KIRREL3: variants seen among roughly 807,000 people sequenced by gnomAD.
KIRREL3 encodes the protein kirre like nephrin family adhesion molecule 3.
In KIRREL3, 36 loss-of-function variants were observed where a neutral mutation model predicts 89.7. That is an observed-to-expected ratio of 0.40 (90% CI 0.31 to 0.53). The LOEUF (loss-of-function observed/expected upper bound fraction) is 0.53. Among genes scored for constraint, KIRREL3 ranks in the 20% least tolerant of loss-of-function variants. The probability of loss-of-function intolerance (pLI) is 0.49; values close to 1 mark genes in which losing one functional copy is unlikely to be tolerated. For missense variants in KIRREL3, 864 were observed against 1,056.6 expected (o/e 0.82, Z 2.53); for synonymous variants, 445 against 441.4 (o/e 1.01, Z -0.10).
At position 126,462,436 on chromosome 11, in the gene KIRREL3, G is replaced by A. The variant is rs1210979790; in HGVS notation, c.742+721C>T. ...TCCCAGCACTTTAGGAGGCCAAGGC[G>A]GGCGGAACACTTGAGGTCAGGAGTT... is the stretch of plus-strand genomic sequence containing the variant. On this transcript the variant is annotated intron_variant, in intron 6 of 16. Transcript: ENST00000525144. This position sits in a 1 kb window ranked among gnomAD's most constrained non-coding sequence, Gnocchi z 4.8. Among the ~76,000 whole-genome samples the A allele has an allele frequency of 1.3e-5, 2 of 152,134 alleles. No homozygotes were observed. Among genetic ancestry groups the A allele is most frequent in the Admixed American group, 6.5e-5 (1 of 15,274 alleles).
At chr11:126,716,720 CTGAGTG>C (rs770232462) in intron 1 of KIRREL3, among the ~76,000 whole-genome samples, 2 of 103,440 alleles carry the variant, frequency 1.9e-5, no homozygotes, top group African/African-American at 4.0e-5. Context: ...ATTTACTAGC[CTGAGTG>C]TGAGTGTGAG....
intron 8 of KIRREL3, 117 bp downstream of exon 8, chr11:126,448,892 G>A (rs1435343956): frequency 6.4e-6 from 7 of 1,094,764 alleles, no homozygotes; most frequent in East Asian, 2.6e-5. Flanking sequence ...ACCATCCTAC[G>A]CTCATGACGC....
At chr11:126,793,711 G>A (rs1950716164) in intron 1 of KIRREL3, among the ~76,000 whole-genome samples, 1 of 152,210 alleles carries the variant, frequency 6.6e-6, no homozygotes. Context: ...AATTAACTAA[G>A]GAAAATGCGT....
chr11:126,777,327 C>G (rs756343545), intron 1 of KIRREL3, among the ~76,000 whole-genome samples: 1 of 152,134 alleles, frequency 6.6e-6, no homozygotes, highest in Non-Finnish European at 1.5e-5. Context: ...GTGCAAAGCA[C>G]TGGGCCTGGC....
rs529580438 is a variant in KIRREL3, at chr11:126,843,550, C to T, written c.55+156905G>A. On this transcript the variant is annotated intron_variant, in intron 1 of 16. Coordinates refer to ENST00000525144, the MANE Select transcript of KIRREL3 (RefSeq NM_032531.4). This position sits in a 1 kb window ranked among gnomAD's most constrained non-coding sequence, Gnocchi z 4.6. ...GCAATCAAACCAAAGCATGCCTAAG[C>T]GATAACTGGAGTCCCGACGGCTAGT... Among the ~76,000 whole-genome samples the T allele has an allele frequency of 3.5e-4, 54 of 152,250 alleles. No individual in the cohort carries two copies. Among genetic ancestry groups the T allele is most frequent in the African/African-American group, 1.0e-3 (43 of 41,538 alleles).
In KIRREL3 at chr11:126,535,589, G is replaced by A. The variant is rs759356919; in HGVS notation, c.134-8902C>T. ...TGCTGGGTCGGGTGTGTGTGTGTGTGTGTGCACGTGGGTGTGTTTGTCAGA... is the reference window on the plus strand; with the variant it reads ...TGCTGGGTCGGGTGTGTGTGTGTGTATGTGCACGTGGGTGTGTTTGTCAGA... On this transcript the variant is annotated intron_variant, in intron 2 of 16. Transcript: ENST00000525144. This position sits in a 1 kb window ranked among gnomAD's most constrained non-coding sequence, Gnocchi z 4.5. 5.3e-5 allele frequency among the ~76,000 whole-genome samples: 8 copies of A among 152,072 alleles called. No individual in the cohort carries two copies. The highest frequency in any genetic ancestry group is 7.4e-5 in the Non-Finnish European group (5 of 68,002).
chr11:126,497,926 CAG>C (rs1957726632), intron 4 of KIRREL3, among the ~76,000 whole-genome samples: 1 of 152,110 alleles, frequency 6.6e-6, no homozygotes, highest in Non-Finnish European at 1.5e-5. Context: ...CTCTGATCCC[CAG>C]AGAGTTTGTG....
chr11:126,688,170 G>C (rs1482897553), intron 1 of KIRREL3, among the ~76,000 whole-genome samples: 1 of 152,220 alleles, frequency 6.6e-6, no homozygotes, highest in East Asian at 1.9e-4. Context: ...ACCAAGAGCA[G>C]CCTGTCCCAC....
Position 126,615,704 on chromosome 11 carries a change from G to C in KIRREL3, c.56-52792C>G, listed in dbSNP as rs1490366869. Among the ~76,000 whole-genome samples the C allele has an allele frequency of 6.6e-6, 1 of 152,180 alleles. No homozygotes were observed. Among genetic ancestry groups the C allele is most frequent in the African/African-American group, 2.4e-5 (1 of 41,438 alleles). On this transcript the variant is annotated intron_variant, in intron 1 of 16. Transcript: ENST00000525144. This position sits in a 1 kb window ranked among gnomAD's most constrained non-coding sequence, Gnocchi z 5.4. ...TAGAGTCTGAGGTCACCCAGTTACT[G>C]CTCTATCAGCCACCTACCCCACATT...
rs1229453349 is a variant in KIRREL3 at position 126,783,916 on chromosome 11, T to A, written c.55+216539A>T. 6.6e-6 allele frequency among the ~76,000 whole-genome samples: 1 copy of A among 152,204 alleles called. No homozygotes were observed. Among genetic ancestry groups the A allele is most frequent in the African/African-American group, 2.4e-5 (1 of 41,460 alleles). On this transcript the variant is annotated intron_variant, in intron 1 of 16. Coordinates refer to ENST00000525144, the MANE Select transcript of KIRREL3 (RefSeq NM_032531.4). The surrounding 1 kb of genome is among the most constrained non-coding windows in gnomAD (Gnocchi z 4.3). ...CAGCAACAGTGATGTGCCATGTTGA[T>A]AGCACACACCCTTGATAGGATACGA...
At position 126,587,131 on chromosome 11, in the gene KIRREL3, A is replaced by G. The variant is rs978614764; in HGVS notation, c.56-24219T>C. Among the ~76,000 whole-genome samples, 1 of 152,110 alleles carries G rather than the reference A, an allele frequency of 6.6e-6. No homozygotes were observed. The highest frequency in any genetic ancestry group is 2.4e-5 in the African/African-American group (1 of 41,414). On this transcript the variant is annotated intron_variant, in intron 1 of 16. Transcript: ENST00000525144. The surrounding 1 kb of genome is among the most constrained non-coding windows in gnomAD (Gnocchi z 5.2). ...CAGTGGAAGAGTCCAGAGCACCGGG[A>G]TGATGTGTAGGGAGAGCCACTCACC...
intron 1 of KIRREL3, among the ~76,000 whole-genome samples, chr11:126,675,141 G>A (rs1373495859): frequency 2.0e-5 from 3 of 152,144 alleles, no homozygotes; most frequent in Non-Finnish European, 4.4e-5. Flanking sequence ...CATTCCTGCT[G>A]GTTTCATTTA....
chr11:126,915,393 A>G (rs1946997795), intron 1 of KIRREL3, among the ~76,000 whole-genome samples: 2 of 152,114 alleles, frequency 1.3e-5, no homozygotes, highest in South Asian at 4.2e-4. Context: ...CTTGTAAATA[A>G]TGGTGGCTAA....
At chr11:126,963,061 T>G (rs1949144767) in intron 1 of KIRREL3, among the ~76,000 whole-genome samples, 1 of 152,200 alleles carries the variant, frequency 6.6e-6, no homozygotes, top group African/African-American at 2.4e-5. Flanking sequence ...ATTTCCTTTA[T>G]TGCAATGCTC....
intron 1 of KIRREL3, among the ~76,000 whole-genome samples, chr11:126,613,803 G>A (rs1360531383): frequency 2.0e-5 from 3 of 149,208 alleles, no homozygotes; most frequent in Non-Finnish European, 4.4e-5. Context: ...GAAAACCCTT[G>A]CATTACCTTG....
intron 1 of KIRREL3, among the ~76,000 whole-genome samples, chr11:126,577,609 AAG>A (rs1491197903): frequency 1.3e-5 from 2 of 151,082 alleles, no homozygotes; most frequent in Non-Finnish European, 3.0e-5. Flanking sequence ...AAAAAAAAAA[AAG>A]ATTAGCGGGG....
At chr11:126,828,855 T>C (rs781111447) in intron 1 of KIRREL3, among the ~76,000 whole-genome samples, 5 of 152,152 alleles carry the variant, frequency 3.3e-5, no homozygotes, top group Non-Finnish European at 7.4e-5. Flanking sequence ...TGGGTTCCCC[T>C]GAAAGTGGTG....
intron 1 of KIRREL3, chr11:126,936,374 T>C (rs1396243395): frequency 1.3e-5 from 2 of 152,164 alleles, no homozygotes; most frequent in Admixed American, 6.5e-5. Context: ...GATCCAGCAA[T>C]TCCACTCCTA....
chr11:126,794,268 T>C (rs1950734733), intron 1 of KIRREL3, among the ~76,000 whole-genome samples: 1 of 152,196 alleles, frequency 6.6e-6, no homozygotes, highest in Non-Finnish European at 1.5e-5. Flanking sequence ...CCTGGATAAT[T>C]TAGTACTCAT....
Sources: gnomAD v4.1 joint callset for allele counts (sites outside exome capture counted in the v4.1 genomes callset) on GRCh38, gnomAD v4.1.1 for gene constraint, Gnocchi (gnomAD v3.1) non-coding constraint, MANE v1.5 for transcripts, NCBI Gene and HGNC (gene_info 2026-07-23, HGNC 2026-07-21) for gene names.